Variants in INPP4B observed in about 807,000 individuals in gnomAD.
INPP4B encodes the protein inositol polyphosphate 4-phosphatase type II.
Under a neutral mutation model 122.5 loss-of-function variants are expected in INPP4B, and 55 were observed. That is an observed-to-expected ratio of 0.45 (90% CI 0.36 to 0.56). The LOEUF (loss-of-function observed/expected upper bound fraction) is 0.56, where lower values mean the gene tolerates loss of function less well. Among genes scored for constraint, INPP4B ranks in the 20% least tolerant of loss-of-function variants. The pLI is 0.00. For missense variants in INPP4B, 1,000 were observed against 1,097.7 expected, an observed-to-expected ratio of 0.91 and a Z score of 1.26; for synonymous variants, 403 against 388.7, an observed-to-expected ratio of 1.04 and a Z score of -0.43.
intron 7 of INPP4B, among the ~76,000 whole-genome samples, chr4:142,386,946 G>C (rs878869335): frequency 8.5e-4 from 129 of 152,188 alleles, no homozygotes; most frequent in African/African-American, 3.0e-3. Context: ...TCTCAGAGCA[G>C]CTGGGGATCG....
chr4:142,608,867 G>A (rs1741882012), intron 2 of INPP4B, among the ~76,000 whole-genome samples: 1 of 152,066 alleles, frequency 6.6e-6, no homozygotes, highest in Admixed American at 6.6e-5. Flanking sequence ...CACACTTTCT[G>A]TTCCCATCAT....
chr4:142,092,882 T>A (rs529271741), intron 23 of INPP4B, among the ~76,000 whole-genome samples: 39 of 152,318 alleles, frequency 2.6e-4, no homozygotes, highest in African/African-American at 8.7e-4. Context: ...CCTGCAGTGA[T>A]GGGTTTAAAA....
intron 25 of INPP4B, among the ~76,000 whole-genome samples, chr4:142,067,294 A>G (rs1764056375): frequency 6.6e-6 from 1 of 152,240 alleles, no homozygotes; most frequent in Non-Finnish European, 1.5e-5. Context: ...ACAAACAGAA[A>G]GCACATCCAC....
At chr4:142,336,847 C>T (rs1776793604) in intron 7 of INPP4B, among the ~76,000 whole-genome samples, 1 of 152,190 alleles carries the variant, frequency 6.6e-6, no homozygotes, top group Non-Finnish European at 1.5e-5. Context: ...GATCCTGTGT[C>T]AACATTTCCT....
intron 11 of INPP4B, among the ~76,000 whole-genome samples, chr4:142,253,280 T>TA (rs1339452479): frequency 6.6e-6 from 1 of 152,238 alleles, no homozygotes; most frequent in Non-Finnish European, 1.5e-5. Context: ...GTAGACTTGG[T>TA]AAACAGTGTA....
chr4:142,732,683 G>A (rs1766282666), intron 1 of INPP4B, among the ~76,000 whole-genome samples: 1 of 151,954 alleles, frequency 6.6e-6, no homozygotes, highest in Non-Finnish European at 1.5e-5. Context: ...AGGAAATAAA[G>A]CAAACAAAAA....
At chr4:142,780,485 G>A (rs1404825126) in intron 1 of INPP4B, among the ~76,000 whole-genome samples, 1 of 152,074 alleles carries the variant, frequency 6.6e-6, no homozygotes, top group Non-Finnish European at 1.5e-5. Context: ...AAGAAATTAA[G>A]GCATTAATAA....
intron 7 of INPP4B, among the ~76,000 whole-genome samples, chr4:142,321,170 G>A (rs1271679843): frequency 6.6e-6 from 1 of 152,170 alleles, no homozygotes; most frequent in Non-Finnish European, 1.5e-5. Context: ...TCCTGAAGGA[G>A]TAAGGTGACA....
intron 2 of INPP4B, among the ~76,000 whole-genome samples, chr4:142,632,047 TCAAA>T (rs1748085832): frequency 6.6e-6 from 1 of 152,142 alleles, no homozygotes; most frequent in Admixed American, 6.6e-5. Context: ...TGTCATTCTC[TCAAA>T]CAGACAAGAA....
chr4:142,142,906 T>G (rs944410923), intron 18 of INPP4B, among the ~76,000 whole-genome samples: 8 of 152,042 alleles, frequency 5.3e-5, no homozygotes, highest in Non-Finnish European at 1.2e-4. Context: ...ATAATGAATA[T>G]TTTGAATTAC....
intron 25 of INPP4B, among the ~76,000 whole-genome samples, chr4:142,076,910 A>C (rs1420418265): frequency 6.6e-6 from 1 of 152,086 alleles, no homozygotes; most frequent in Non-Finnish European, 1.5e-5. Context: ...AACAAGACTA[A>C]AGACAAAAGG....
intron 12 of INPP4B, among the ~76,000 whole-genome samples, chr4:142,223,012 T>TA (rs397738294): frequency 1.3e-5 from 2 of 152,160 alleles, no homozygotes; most frequent in Admixed American, 1.3e-4. Context: ...ACATTTTTTT[T>TA]ATCAATAGTT....
intron 2 of INPP4B, among the ~76,000 whole-genome samples, chr4:142,546,083 C>T (rs961524055): frequency 2.6e-5 from 4 of 151,948 alleles, no homozygotes; most frequent in Admixed American, 2.6e-4. Flanking sequence ...CCTTCCTCCT[C>T]CCACTCTCTA....
At chr4:142,790,875 A>G (rs891130369) in intron 1 of INPP4B, among the ~76,000 whole-genome samples, 5 of 151,968 alleles carry the variant, frequency 3.3e-5, no homozygotes, top group Admixed American at 6.6e-5. Context: ...ATGAAGCCCA[A>G]CATCTCAAAT....
intron 14 of INPP4B, among the ~76,000 whole-genome samples, chr4:142,196,583 TC>T (rs762564680): frequency 1.9e-4 from 29 of 152,148 alleles, no homozygotes; most frequent in Non-Finnish European, 3.8e-4. Context: ...ATGATACTTA[TC>T]TTTATCTTAG....
At chr4:142,276,542 G>T (rs1019447349) in intron 9 of INPP4B, among the ~76,000 whole-genome samples, 4 of 151,908 alleles carry the variant, frequency 2.6e-5, no homozygotes, top group African/African-American at 9.7e-5. Flanking sequence ...AGGCAACTCA[G>T]CCTCTGTAAA....
intron 2 of INPP4B, among the ~76,000 whole-genome samples, chr4:142,606,532 T>A (rs1220963815): frequency 2.0e-5 from 3 of 151,916 alleles, no homozygotes; most frequent in Non-Finnish European, 2.9e-5. Flanking sequence ...CATGTGTAAA[T>A]TTTTATATAT....
At chr4:142,305,211 C>T (rs1762895817) in intron 9 of INPP4B, among the ~76,000 whole-genome samples, 1 of 152,144 alleles carries the variant, frequency 6.6e-6, no homozygotes, top group Non-Finnish European at 1.5e-5. Context: ...AATTTCATCA[C>T]TTTAATGATA....
intron 7 of INPP4B, chr4:142,383,814 G>T (rs988335319): frequency 9.6e-6 from 4 of 415,638 alleles, no homozygotes; most frequent in African/African-American, 4.0e-5. Flanking sequence ...TGAGAAGGGG[G>T]ATATAGAGGA....
Sources: gnomAD v4.1 joint callset for allele counts (sites outside exome capture counted in the v4.1 genomes callset) on GRCh38, gnomAD v4.1.1 for gene constraint, MANE v1.5 for transcripts, NCBI Gene and HGNC (gene_info 2026-07-23, HGNC 2026-07-21) for gene names.